The following PARVA variants were observed in gnomAD, a reference collection of about 807,000 sequenced individuals.
The protein encoded by PARVA is alpha-parvin.
PARVA carries 25 observed loss-of-function variants against 52.6 expected under a neutral mutation model. The ratio of observed to expected loss-of-function variants is 0.48; its 90% CI spans 0.35 to 0.66. PARVA has a LOEUF of 0.66. PARVA is among the 30% of genes least tolerant of loss of function. PARVA has a pLI of 0.01. For missense variants in PARVA, 373 were observed against 450.9 expected (o/e 0.83, Z 1.56); for synonymous variants, 185 against 179.1 (o/e 1.03, Z -0.26).
At chr11:12,490,598 C>A (rs560579021) in intron 4 of PARVA, among the ~76,000 whole-genome samples, 1 of 151,396 alleles carries the variant, frequency 6.6e-6, no homozygotes, top group East Asian at 1.9e-4. Flanking sequence ...AATAGACCCC[C>A]GCAAAGGAAT....
At chr11:12,398,609 C>T (rs1589942501) in intron 1 of PARVA, among the ~76,000 whole-genome samples, 1 of 151,476 alleles carries the variant, frequency 6.6e-6, no homozygotes. Context: ...TGGAGGGAGA[C>T]AGACCTAATA....
chr11:12,474,761 C>G (rs1244103589), intron 3 of PARVA, among the ~76,000 whole-genome samples: 1 of 151,300 alleles, frequency 6.6e-6, no homozygotes, highest in African/African-American at 2.4e-5. Context: ...AAAAAGTAGC[C>G]AAGTGTGGTG....
At chr11:12,392,703 GAC>G (rs1294297491) in intron 1 of PARVA, among the ~76,000 whole-genome samples, 1 of 152,156 alleles carries the variant, frequency 6.6e-6, no homozygotes, top group Non-Finnish European at 1.5e-5. Flanking sequence ...TTTTGGTATA[GAC>G]ACATATTTTT....
intron 1 of PARVA, among the ~76,000 whole-genome samples, chr11:12,394,841 C>G (rs1939713688): frequency 6.6e-6 from 1 of 152,190 alleles, no homozygotes; most frequent in Non-Finnish European, 1.5e-5. Context: ...CCTGTAATTC[C>G]AGCACTTGGG....
chr11:12,478,075 G>C (rs908654034), intron 4 of PARVA, 126 bp downstream of exon 4: 1 of 750,572 alleles, frequency 1.3e-6, no homozygotes, highest in East Asian at 2.5e-5. Context: ...CAAATGTGTG[G>C]AGCATGGAAT....
Position 12,535,169 on chromosome 11 carries a change from C to T in PARVA, c.*7244C>T, listed in dbSNP as rs1463347679. Among the ~76,000 whole-genome samples, 1 of 152,202 alleles carries T rather than the reference C, an allele frequency of 6.6e-6. No individual in the cohort carries two copies. The highest frequency in any genetic ancestry group is 1.5e-5 in the Non-Finnish European group (1 of 68,032). On this transcript the variant is annotated 3_prime_UTR_variant, in exon 13 of 13. Transcript: ENST00000334956. ...ACTTCCATAATGTCCTCCTAGGCTG[C>T]ATTGGAATTGTGTGTTGTCTAGACC...
intron 5 of PARVA, among the ~76,000 whole-genome samples, chr11:12,498,571 C>CTTTT (rs138332169): frequency 2.4e-5 from 2 of 84,132 alleles, no homozygotes; most frequent in African/African-American, 4.2e-5. Context: ...GTCATATACA[C>CTTTT]TTTTTTTTTT....
chr11:12,482,422 C>A (rs1277299356), intron 4 of PARVA, among the ~76,000 whole-genome samples: 1 of 151,774 alleles, frequency 6.6e-6, no homozygotes, highest in South Asian at 2.1e-4. Flanking sequence ...GTCAGGAGTT[C>A]GAGACCAGCC....
chr11:12,404,117 T>A (rs74339939), intron 1 of PARVA, among the ~76,000 whole-genome samples: 3 of 142,320 alleles, frequency 2.1e-5, no homozygotes, highest in African/African-American at 5.3e-5. Flanking sequence ...TTTTTTTTTT[T>A]AATCACTGAG....
chr11:12,471,664 G>A (rs1378912709), intron 1 of PARVA, among the ~76,000 whole-genome samples: 1 of 152,234 alleles, frequency 6.6e-6, no homozygotes, highest in Non-Finnish European at 1.5e-5. Flanking sequence ...ATGATCTTGT[G>A]ATGGAACCTT....
At chr11:12,450,738 C>T (rs1224019653) in intron 1 of PARVA, among the ~76,000 whole-genome samples, 2 of 152,154 alleles carry the variant, frequency 1.3e-5, no homozygotes, top group Non-Finnish European at 2.9e-5. Flanking sequence ...GCAAACCACT[C>T]GTGGAAGTCC....
chr11:12,499,369 G>A (rs1941338690), intron 5 of PARVA, among the ~76,000 whole-genome samples: 1 of 151,802 alleles, frequency 6.6e-6, no homozygotes, highest in Non-Finnish European at 1.5e-5. Context: ...CTCCGCTCAG[G>A]ATGAGGGTGG....
chr11:12,530,261 A>C lies in PARVA; in HGVS notation c.*2336A>C, dbSNP rs1941755612. The stretch of plus-strand genomic sequence containing the variant: ...TCCCAGGTCCTGGGCCTGGTTTTCT[A>C]ATGCTGTCATCTCAGTTCGATATTT... On this transcript the variant is annotated 3_prime_UTR_variant, in exon 13 of 13. Transcript: ENST00000334956. 1 of 152,304 alleles carries C rather than the reference A, an allele frequency of 6.6e-6. No homozygotes were observed. Among genetic ancestry groups the C allele is most frequent in the East Asian group, 1.9e-4 (1 of 5,192 alleles). 9.4% of individuals were successfully genotyped at this position (152,304 alleles called of 1,614,324 possible).
chr11:12,520,105 A>G (rs1269621592), intron 12 of PARVA, among the ~76,000 whole-genome samples: 1 of 152,248 alleles, frequency 6.6e-6, no homozygotes, highest in Non-Finnish European at 1.5e-5. Context: ...AATTTTCCCA[A>G]TATAAATCAA....
At chr11:12,395,809 T>C (rs1244725585) in intron 1 of PARVA, among the ~76,000 whole-genome samples, 3 of 152,204 alleles carry the variant, frequency 2.0e-5, no homozygotes, top group African/African-American at 7.2e-5. Flanking sequence ...AAGCCTGGCA[T>C]TTGGAGATGG....
At chr11:12,430,367 C>T (rs1049846475) in intron 1 of PARVA, among the ~76,000 whole-genome samples, 4 of 152,060 alleles carry the variant, frequency 2.6e-5, no homozygotes, top group African/African-American at 9.7e-5. Flanking sequence ...TCCCTGAATC[C>T]CTGAAAATTT....
chr11:12,464,461 C>A (rs188288670), intron 1 of PARVA, among the ~76,000 whole-genome samples: 55 of 152,282 alleles, frequency 3.6e-4, no homozygotes, highest in Admixed American at 3.2e-3. Flanking sequence ...TTAACCCATA[C>A]CCTATGGGAA....
chr11:12,390,545 C>G (rs918327335), intron 1 of PARVA, among the ~76,000 whole-genome samples: 1 of 152,120 alleles, frequency 6.6e-6, no homozygotes, highest in Non-Finnish European at 1.5e-5. Flanking sequence ...AGGCAGGTTA[C>G]GACCCTAGCT....
intron 5 of PARVA, among the ~76,000 whole-genome samples, chr11:12,503,146 C>T (rs1941384529): frequency 6.6e-6 from 1 of 152,154 alleles, no homozygotes; most frequent in Non-Finnish European, 1.5e-5. Flanking sequence ...AACATCCCGT[C>T]CCAGCTGCTC....
Sources: gnomAD v4.1 joint callset for allele counts (sites outside exome capture counted in the v4.1 genomes callset) on GRCh38, gnomAD v4.1.1 for gene constraint, MANE v1.5 for transcripts, NCBI Gene and HGNC (gene_info 2026-07-23, HGNC 2026-07-21) for gene names.